The following HACD4 variants were observed in gnomAD, a reference collection of about 807,000 sequenced individuals.
HACD4 encodes the protein 3-hydroxyacyl-CoA dehydratase 4, also known as very-long-chain (3R)-3-hydroxyacyl-CoA dehydratase 4.
HACD4 carries 35 observed loss-of-function variants against 33.3 expected under a neutral mutation model. That is an observed-to-expected ratio of 1.05 (90% confidence interval 0.80 to 1.39). HACD4 has a LOEUF of 1.39. Among genes scored for constraint, HACD4 ranks in the 40% most tolerant of loss-of-function variants. The pLI, the probability that HACD4 is intolerant of heterozygous loss-of-function variation, is 0.00. For missense variants in HACD4, 323 were observed against 276.5 expected (o/e 1.17, Z -1.19); for synonymous variants, 118 against 98.0 (o/e 1.20, Z -1.21).
At chr9:21,018,245 T>C (rs1380517318) in intron 3 of HACD4, among the ~76,000 whole-genome samples, 1 of 152,198 alleles carries the variant, frequency 6.6e-6, no homozygotes, top group Non-Finnish European at 1.5e-5. Context: ...ATATACACCA[T>C]CTCATTTTAT....
chr9:21,010,627 G>T (rs1426512771), intron 5 of HACD4, among the ~76,000 whole-genome samples: 1 of 152,118 alleles, frequency 6.6e-6, no homozygotes, highest in East Asian at 1.9e-4. Context: ...ACCAGAGGAA[G>T]AAGGATGGTT....
In HACD4 at chr9:21,028,471, G is replaced by A. The variant is rs146045226; in HGVS notation, c.142+824C>T. On this transcript the variant is annotated intron_variant, in intron 2 of 6. Transcript: ENST00000495827. ...GCGAGACTATATCTGTAGATTTTCA[G>A]TAAGAAAAAGCAACATAAAATAGCT... Among the ~76,000 whole-genome samples the A allele has an allele frequency of 5.8e-3, 881 of 152,312 alleles. 14 individuals carry two copies. Among genetic ancestry groups the A allele is most frequent in the African/African-American group, 0.02 (846 of 41,562 alleles).
At chr9:21,016,666 G>T (rs750909360) in intron 3 of HACD4, among the ~76,000 whole-genome samples, 2 of 152,056 alleles carry the variant, frequency 1.3e-5, no homozygotes, top group Non-Finnish European at 1.5e-5. Flanking sequence ...AGAGGGGAGG[G>T]TGCATAGAAG....
chr9:21,000,569 G>A lies in HACD4; in HGVS notation c.*6468C>T, dbSNP rs975369334. 2.0e-5 allele frequency: 3 copies of A among 152,106 alleles called. No individual in the cohort carries two copies. The highest frequency in any genetic ancestry group is 4.4e-5 in the Non-Finnish European group (3 of 67,980). The allele number at this position is 152,106 out of a possible 1,614,324, so 9.4% of individuals were successfully genotyped here. A position where few individuals can be genotyped will look rare whatever the true frequency, so the allele number is the denominator to read the frequency against. Reference sequence around the variant, plus strand: ...ACAGGTGAACTTGTTAATTGTGGCTGTTGCTCCCTGAACATACAATCTGAA... The same window carrying A: ...ACAGGTGAACTTGTTAATTGTGGCTATTGCTCCCTGAACATACAATCTGAA... On this transcript the variant is annotated 3_prime_UTR_variant, in exon 7 of 7. Coordinates refer to ENST00000495827, the MANE Select transcript of HACD4 (RefSeq NM_001010915.5).
chr9:21,031,496 C>T (rs1275865106), intron 1 of HACD4, 57 bp downstream of exon 1: 3 of 1,438,598 alleles, frequency 2.1e-6, no homozygotes, highest in African/African-American at 1.5e-5. Flanking sequence ...GGGGAGCTCC[C>T]GCCTCCAGGC....
At chr9:21,007,970 A>G (rs1842310755) in intron 6 of HACD4, 51 bp downstream of exon 6, 2 of 1,534,628 alleles carry the variant, frequency 1.3e-6, no homozygotes, top group Non-Finnish European at 1.8e-6. Context: ...GGCAAGCACT[A>G]ACCAAAAAGT....
chr9:21,024,990 A>T (rs908827986), intron 3 of HACD4, among the ~76,000 whole-genome samples: 2 of 152,170 alleles, frequency 1.3e-5, no homozygotes, highest in Non-Finnish European at 2.9e-5. Flanking sequence ...TTCAAAGTAC[A>T]CCACATTGTA....
At chr9:21,019,415 GA>G (rs1352857007) in intron 3 of HACD4, among the ~76,000 whole-genome samples, 1 of 152,060 alleles carries the variant, frequency 6.6e-6, no homozygotes, top group Non-Finnish European at 1.5e-5. Flanking sequence ...TTATATACAG[GA>G]AAAGGTTGTT....
chr9:21,029,980 C>G (rs1189209235), intron 1 of HACD4, among the ~76,000 whole-genome samples: 1 of 152,120 alleles, frequency 6.6e-6, no homozygotes, highest in Non-Finnish European at 1.5e-5. Context: ...CACACCATCA[C>G]AAAGTTTAAA....
intron 3 of HACD4, among the ~76,000 whole-genome samples, chr9:21,018,283 C>G (rs965018473): frequency 6.6e-6 from 1 of 152,132 alleles, no homozygotes; most frequent in African/African-American, 2.4e-5. Context: ...GAAGTAGGTG[C>G]TATTATTGTT....
intron 2 of HACD4, among the ~76,000 whole-genome samples, chr9:21,027,402 C>T (rs1818090098): frequency 6.6e-6 from 1 of 152,164 alleles, no homozygotes; most frequent in South Asian, 2.1e-4. Context: ...GCTTTAAGTT[C>T]TAAAATGAAA....
intron 3 of HACD4, among the ~76,000 whole-genome samples, chr9:21,016,648 G>C (rs1587831570): frequency 1.6e-5 from 2 of 125,196 alleles, no homozygotes; most frequent in South Asian, 5.1e-4. Context: ...GTGAACCACT[G>C]GGGGGCTAGA....
At position 21,029,383 on chromosome 9, in the gene HACD4, C is replaced by A. The variant is rs79392110; in HGVS notation, c.54G>T (p.Ala18=). The A allele has an allele frequency of 3.8e-6, 6 of 1,579,740 alleles. No homozygotes were observed. Among genetic ancestry groups the A allele is most frequent in the Non-Finnish European group, 5.2e-6 (6 of 1,151,830 alleles). ...AWLQPRYRKN[A]YLFIYYLIQF... is the part of the protein sequence containing the mutation. ...GGATTAAGTAATAGATGAAAAGATACGCATTCTTCCTATACCTATAAATAC... is the reference window on the plus strand; with the variant it reads ...GGATTAAGTAATAGATGAAAAGATAAGCATTCTTCCTATACCTATAAATAC... Residue 18 remains alanine, a synonymous_variant, in exon 2 of 7, where the codon GCG becomes GCT. Coordinates refer to ENST00000495827, the MANE Select transcript of HACD4 (RefSeq NM_001010915.5).
intron 3 of HACD4, among the ~76,000 whole-genome samples, chr9:21,022,381 C>A (rs536847983): frequency 6.6e-6 from 1 of 152,156 alleles, no homozygotes; most frequent in Non-Finnish European, 1.5e-5. Context: ...CAAATGGGAT[C>A]TAATTAAACT....
In HACD4 at chr9:21,025,784, AC is replaced by A. The variant is rs757708484; in HGVS notation, c.270+811del. ...TAGGGCTAGAGGCATGGAAGAGGGA[AC>A]AAAGAATAGTTAAGAAAATAGTAAT... On this transcript the variant is annotated intron_variant, in intron 3 of 6. Transcript: ENST00000495827. Among the ~76,000 whole-genome samples the A allele has an allele frequency of 9.2e-5, 14 of 152,362 alleles. No homozygotes were observed. In the East Asian group the frequency reaches 2.7e-3, roughly 29 times the overall value.
chr9:21,016,375 G>A lies in HACD4; in HGVS notation c.271-365C>T, dbSNP rs577517838. Among the ~76,000 whole-genome samples, 15 of 152,304 alleles carry A rather than the reference G, an allele frequency of 9.8e-5. No homozygotes were observed. In the South Asian group the frequency reaches 3.1e-3, roughly 32 times the overall value. ...CACAGTCTTTGCTCCAAAGAGGGTA[G>A]CAGTGGTGGGAGAACTGAACAATAG... On this transcript the variant is annotated intron_variant, in intron 3 of 6. Transcript: ENST00000495827.
intron 4 of HACD4, among the ~76,000 whole-genome samples, chr9:21,013,066 CAAAA>C (rs570206944): frequency 1.4e-5 from 1 of 69,052 alleles, no homozygotes. Flanking sequence ...GACTCCATCT[CAAAA>C]AAAAAAAAAA....
intron 3 of HACD4, among the ~76,000 whole-genome samples, chr9:21,021,393 A>G (rs1407908425): frequency 6.6e-6 from 1 of 152,196 alleles, no homozygotes; most frequent in Admixed American, 6.5e-5. Flanking sequence ...ATCAGGCAGG[A>G]GAAGGAAATA....
rs1177602541 is a variant in HACD4 at position 21,008,110 on chromosome 9, G to A, written c.527C>T (p.Ser176Leu). The change falls in exon 6 of 7, where the codon TCA (serine) becomes TTA (leucine). Residue 176 changes from serine to leucine, a missense_variant. By Grantham distance (145) the Ser-to-Leu change is moderately radical. Coordinates refer to ENST00000495827, the MANE Select transcript of HACD4 (RefSeq NM_001010915.5). ...CAGCTTGGTGGAATAAGTGCCAAAT[G>A]ATTCAAAATAAGGCAGCGATTGATA... ...AIYQSLPYFE[S>L]FGTYSTKLPF... The A allele has an allele frequency of 6.2e-7, 1 of 1,609,786 alleles. No individual in the cohort carries two copies. The highest frequency in any genetic ancestry group is 1.7e-4 in the Middle Eastern group (1 of 6,044).
Sources: gnomAD v4.1 joint callset for allele counts (sites outside exome capture counted in the v4.1 genomes callset) on GRCh38, gnomAD v4.1.1 for gene constraint, MANE v1.5 for transcripts, NCBI Gene and HGNC (gene_info 2026-07-23, HGNC 2026-07-21) for gene names.